KCNMB3: variants seen among roughly 807,000 people sequenced by gnomAD.
KCNMB3 encodes calcium-activated potassium channel subunit beta-3.
Under a neutral mutation model 11.9 loss-of-function variants are expected in KCNMB3, and 18 were observed. The ratio of observed to expected loss-of-function variants is 1.51; its 90% confidence interval spans 1.04 to 2.23. The LOEUF (loss-of-function observed/expected upper bound fraction) is 2.23, where lower values mean the gene tolerates loss of function less well. Ranked by LOEUF, KCNMB3 falls within the 30% of genes most tolerant of loss-of-function variation. The pLI is 0.00. For missense variants in KCNMB3, 247 were observed against 329.4 expected, an observed-to-expected ratio of 0.75 and a Z score of 1.94; for synonymous variants, 78 against 119.2, an observed-to-expected ratio of 0.65 and a Z score of 2.25.
chr3:179,247,980 A>G (rs554250820), intron 1 of KCNMB3, among the ~76,000 whole-genome samples: 2 of 152,026 alleles, frequency 1.3e-5, no homozygotes, highest in Non-Finnish European at 2.9e-5. Flanking sequence ...GCAATGTCCA[A>G]AAAGCACCCC....
chr3:179,251,641 A>T, upstream of KCNMB3: 1 of 1,249,528 alleles, frequency 8.0e-7, no homozygotes, highest in Non-Finnish European at 1.0e-6. Flanking sequence ...AGAAGAGTCC[A>T]ACACAAAGGT....
intron 1 of KCNMB3, among the ~76,000 whole-genome samples, chr3:179,247,510 T>A (rs554321109): frequency 5.5e-4 from 83 of 151,358 alleles, no homozygotes; most frequent in African/African-American, 1.8e-3. Flanking sequence ...AAAAAAAGTT[T>A]AAAAAAAAGT....
intron 1 of KCNMB3, among the ~76,000 whole-genome samples, chr3:179,248,396 GC>G: frequency 6.6e-6 from 1 of 152,146 alleles, no homozygotes; most frequent in Non-Finnish European, 1.5e-5. Context: ...CCCCAAACCT[GC>G]AGTCGAAAAT....
chr3:179,245,733 T>A (rs1725619164), intron 1 of KCNMB3, among the ~76,000 whole-genome samples: 1 of 152,164 alleles, frequency 6.6e-6, no homozygotes, highest in South Asian at 2.1e-4. Context: ...ACTCCTGACC[T>A]CGTCATCCTC....
At chr3:179,257,298 A>G (rs1726042343) in intron 1 of KCNMB3, among the ~76,000 whole-genome samples, 1 of 152,214 alleles carries the variant, frequency 6.6e-6, no homozygotes, top group South Asian at 2.1e-4. Flanking sequence ...ACATAATAAC[A>G]CTTATGTTTT....
upstream of KCNMB3, among the ~76,000 whole-genome samples, chr3:179,254,734 G>A (rs1211074185): frequency 2.6e-5 from 4 of 152,078 alleles, no homozygotes; most frequent in East Asian, 1.9e-4. Context: ...ACAAGGAGTC[G>A]GAGGTTGCAG....
At chr3:179,266,606 A>G in intron 1 of KCNMB3, 2 of 1,610,608 alleles carry the variant, frequency 1.2e-6, no homozygotes, top group Non-Finnish European at 1.7e-6. Context: ...CTGCTTGTTC[A>G]GCCAGATTCC....
chr3:179,255,787 CAA>C (rs1189615281), upstream of KCNMB3, among the ~76,000 whole-genome samples: 1 of 152,146 alleles, frequency 6.6e-6, no homozygotes, highest in African/African-American at 2.4e-5. Flanking sequence ...GCTACAAAGA[CAA>C]GAGAAAATCT....
intron 1 of KCNMB3, chr3:179,259,556 T>C (rs1726133009): frequency 1.2e-6 from 2 of 1,610,210 alleles, no homozygotes. Context: ...TTTTCTGTTT[T>C]GGATTTTCAG....
chr3:179,251,252 T>A (rs896793110), upstream of KCNMB3: 7 of 1,486,722 alleles, frequency 4.7e-6, 1 homozygote, highest in Admixed American at 4.5e-5. Context: ...ACGAACTTTG[T>A]TATCTTTCAG....
At chr3:179,260,586 T>C (rs888964118) in intron 1 of KCNMB3, 16 of 1,508,634 alleles carry the variant, frequency 1.1e-5, no homozygotes, top group Middle Eastern at 1.7e-4. Flanking sequence ...TTGAGGGCAT[T>C]TAACTCTTCT....
In KCNMB3 at chr3:179,261,088, C is replaced by A. The variant is rs1412730443; in HGVS notation, c.62+5561G>T. On this transcript the variant is annotated intron_variant, in intron 1 of 3. Coordinates refer to the KCNMB3 transcript ENST00000349697. ...GGCCCAGCATGTTACGAGACCCCTT[C>A]TCAGTAAAATATTTTTCTGGTCTCT... 3 of 1,142,332 alleles carry A rather than the reference C, an allele frequency of 2.6e-6. No individual in the cohort carries two copies. The African/African-American group carries it at 4.7e-5, about 18-fold the overall frequency. 70.8% of individuals were successfully genotyped at this position (1,142,332 alleles called of 1,614,324 possible).
rs1452945112 is a variant in KCNMB3 at position 179,244,681 on chromosome 3, TTC to T, written c.259_260del (p.Glu87ArgfsTer53). ...TGTGGATGGCAGTGCAGGTCGATTC[TTC>T]TCTCTGAATGCTTCAATTTGAAAAA... is the stretch of plus-strand genomic sequence containing the variant. ...LKPFMLSIQREESTCTAIHTD... is the reference protein window; with the variant it reads ...LKPFMLSIQRXESTCTAIHTD... On this transcript the variant is annotated frameshift_variant, in exon 2 of 3. Transcript: ENST00000392685. LOFTEE classifies it high-confidence loss of function. The T allele has an allele frequency of 2.5e-6, 4 of 1,612,842 alleles. No individual in the cohort carries two copies. The highest frequency in any genetic ancestry group is 2.2e-5 in the East Asian group (1 of 44,888).
Position 179,242,896 on chromosome 3 carries a change from C to T in KCNMB3, c.*8G>A. The stretch of plus-strand genomic sequence containing the variant: ...TCTGAAGGCCAGCACTTTAATTTGG[C>T]CACCGTCTTAAGATTTCTCTGCTCT... On this transcript the variant is annotated 3_prime_UTR_variant, in exon 3 of 3. Coordinates refer to ENST00000392685, the MANE Select transcript of KCNMB3 (RefSeq NM_171830.2). The T allele has an allele frequency of 6.4e-7, 1 of 1,571,738 alleles. No individual in the cohort carries two copies. Among genetic ancestry groups the T allele is most frequent in the Non-Finnish European group, 8.6e-7 (1 of 1,159,606 alleles).
chr3:179,259,736 C>T, intron 1 of KCNMB3: 1 of 1,594,228 alleles, frequency 6.3e-7, no homozygotes, highest in Non-Finnish European at 8.5e-7. Context: ...TTTTCTTGTT[C>T]TTTCTCTTCT....
chr3:179,250,778 C>A lies in KCNMB3; in HGVS notation c.213G>T (p.Leu71Phe), dbSNP rs1725809796. ...AAGGCTTTAGAATGGTTGTTCCGAG[C>A]AAGAAGAACATTAGGACTGAGAAGC... ...MMGFSVLMFF[L>F]LGTTILKPFM... is the part of the protein sequence containing the mutation. The change falls in exon 1 of 3, where the codon TTG (leucine) becomes TTT (phenylalanine). Residue 71 changes from leucine to phenylalanine, a missense_variant. By Grantham distance (22) the Leu-to-Phe change is conservative. Coordinates refer to ENST00000392685, the MANE Select transcript of KCNMB3 (RefSeq NM_171830.2). The A allele has an allele frequency of 6.2e-7, 1 of 1,614,024 alleles. No homozygotes were observed. The highest frequency in any genetic ancestry group is 1.3e-5 in the African/African-American group (1 of 74,890).
rs1576958677 is a variant in KCNMB3 at position 179,250,881 on chromosome 3, T to C, written c.110A>G (p.Asp37Gly). 1 of 1,614,094 alleles carries C rather than the reference T, an allele frequency of 6.2e-7. No individual in the cohort carries two copies. Among genetic ancestry groups the C allele is most frequent in the Non-Finnish European group, 8.5e-7 (1 of 1,180,020 alleles). ...CAGCCTCTTGTGCACATCTAGTGGG[T>C]CTCCATCACTGTAGTCTGTCTCTCT... ...KKRETDYSDG[D>G]PLDVHKRLPS... The change falls in exon 1 of 3, where the codon GAC becomes GGC. Residue 37 changes from aspartate (D) to glycine (G), a missense_variant. By Grantham distance (94) the Asp-to-Gly change is moderately conservative. Coordinates refer to ENST00000392685, the MANE Select transcript of KCNMB3 (RefSeq NM_171830.2).
upstream of KCNMB3, among the ~76,000 whole-genome samples, chr3:179,251,869 C>T (rs1725859085): frequency 1.3e-5 from 2 of 151,944 alleles, no homozygotes; most frequent in Admixed American, 6.6e-5. Flanking sequence ...TTACAGGCGC[C>T]GGCCACCATG....
At chr3:179,261,450 G>A (rs1726208409) in intron 1 of KCNMB3, among the ~76,000 whole-genome samples, 1 of 151,922 alleles carries the variant, frequency 6.6e-6, no homozygotes, top group Admixed American at 6.6e-5. Flanking sequence ...AGCGGCTCGC[G>A]GGACTGGGCT....
Sources: gnomAD v4.1 joint callset for allele counts (sites outside exome capture counted in the v4.1 genomes callset) on GRCh38, gnomAD v4.1.1 for gene constraint, MANE v1.5 for transcripts, NCBI Gene and HGNC (gene_info 2026-07-23, HGNC 2026-07-21) for gene names.